Variants in GMEB2 observed in about 807,000 individuals in gnomAD.
GMEB2 encodes the protein glucocorticoid modulatory element binding protein 2, also known as glucocorticoid modulatory element-binding protein 2.
A neutral mutation model predicts 45.7 loss-of-function variants in GMEB2; 7 were observed. The observed-to-expected ratio is 0.15, with a 90% CI of 0.09 to 0.29. The LOEUF (loss-of-function observed/expected upper bound fraction) is 0.29, where lower values mean the gene tolerates loss of function less well. Ranked by LOEUF, GMEB2 falls within the 10% of genes least tolerant of loss-of-function variation. The pLI is 1.00. For missense variants in GMEB2, 582 were observed against 739.2 expected, an observed-to-expected ratio of 0.79 and a Z score of 2.47; for synonymous variants, 322 against 323.6, an observed-to-expected ratio of 1.00 and a Z score of 0.05.
At chr20:63,614,077 C>A (rs1185533627) in intron 2 of GMEB2, among the ~76,000 whole-genome samples, 1 of 152,078 alleles carries the variant, frequency 6.6e-6, no homozygotes, top group East Asian at 1.9e-4. Flanking sequence ...GTATGGGCGG[C>A]AAGCCACCTA....
chr20:63,617,884 C>A (rs2089620772), intron 2 of GMEB2, among the ~76,000 whole-genome samples: 4 of 152,222 alleles, frequency 2.6e-5, no homozygotes, highest in Admixed American at 1.3e-4. Flanking sequence ...GGGATCAGAG[C>A]AGCCTCTCCC....
chr20:63,625,893 G>A (rs1006191855), intron 1 of GMEB2, among the ~76,000 whole-genome samples: 2 of 152,142 alleles, frequency 1.3e-5, no homozygotes, highest in African/African-American at 2.4e-5. Context: ...ATCACACCTG[G>A]CCCAAGAAAA....
intron 2 of GMEB2, among the ~76,000 whole-genome samples, chr20:63,618,734 CA>C (rs936609956): frequency 2.6e-5 from 4 of 152,172 alleles, no homozygotes; most frequent in African/African-American, 9.7e-5. Flanking sequence ...GCCTTTATTT[CA>C]CCCCAGCAGA....
chr20:63,588,472 G>T lies in GMEB2; in HGVS notation c.*1617C>A. The T allele has an allele frequency of 3.0e-6, 1 of 328,542 alleles. No individual in the cohort carries two copies. The highest frequency in any genetic ancestry group is 5.5e-6 in the Non-Finnish European group (1 of 181,556). The allele number at this position is 328,542 out of a possible 1,614,324, so 20.4% of individuals were successfully genotyped here. A position where few individuals can be genotyped will look rare whatever the true frequency, so the allele number is the denominator to read the frequency against. On this transcript the variant is annotated 3_prime_UTR_variant, in exon 10 of 10. Coordinates refer to ENST00000370077, the MANE Select transcript of GMEB2 (RefSeq NM_012384.5). ...TGGAAATGAGTTTAAAACGGAGTAT[G>T]TACATCAAAAGATCAACATCACGCC... is the stretch of plus-strand genomic sequence containing the variant.
intron 4 of GMEB2, among the ~76,000 whole-genome samples, chr20:63,600,101 G>A (rs58850142): frequency 0.48 from 73,008 of 151,518 alleles, 19,093 homozygotes; most frequent in Middle Eastern, 0.66. Flanking sequence ...GAGTGCACTG[G>A]TGCAATCTTG....
intron 9 of GMEB2, 77 bp from the exon 10 acceptor site, chr20:63,590,806 G>T: frequency 1.1e-6 from 1 of 925,282 alleles, no homozygotes; most frequent in Non-Finnish European, 1.5e-6. Flanking sequence ...GGGCAGACAC[G>T]CCACACCATC....
Position 63,592,157 on chromosome 20 carries a change from C to A in GMEB2, c.830-13G>T, listed in dbSNP as rs376404238. ...AGAAGTACAGCATCTTAAAGGGTAA[C>A]GCGGACACTCAGTGAGAGCCCAAGC... On this transcript the variant is annotated splice_polypyrimidine_tract_variant and intron_variant, in intron 8 of 9. Transcript: ENST00000370077. The surrounding 1 kb of genome is among the most constrained non-coding windows in gnomAD (Gnocchi z 8.2). 10 of 1,610,844 alleles carry A rather than the reference C, an allele frequency of 6.2e-6. No individual in the cohort carries two copies. Among genetic ancestry groups the A allele is most frequent in the Non-Finnish European group, 8.5e-6 (10 of 1,178,772 alleles).
intron 2 of GMEB2, among the ~76,000 whole-genome samples, chr20:63,610,281 G>A (rs1601025760): frequency 6.6e-6 from 1 of 152,324 alleles, no homozygotes; most frequent in East Asian, 1.9e-4. Context: ...CAGCACTTTG[G>A]GAGGCCGAGG....
chr20:63,616,279 A>C (rs2146088917), intron 2 of GMEB2, among the ~76,000 whole-genome samples: 1 of 152,206 alleles, frequency 6.6e-6, no homozygotes, highest in Middle Eastern at 3.4e-3. Flanking sequence ...CCCCGTCTCT[A>C]CTAAATATAC....
chr20:63,593,144 C>A lies in GMEB2; in HGVS notation c.620-62G>T, dbSNP rs2083164665. Reference sequence around the variant, plus strand: ...GGACCACAGTCCCACACCCCACATACCCTGTCCACCCTCCTCACACCACCT... The same window carrying A: ...GGACCACAGTCCCACACCCCACATAACCTGTCCACCCTCCTCACACCACCT... On this transcript the variant is annotated intron_variant, in intron 6 of 9. Coordinates refer to ENST00000370077, the MANE Select transcript of GMEB2 (RefSeq NM_012384.5). The surrounding 1 kb of genome is among the most constrained non-coding windows in gnomAD (Gnocchi z 4.7). 2.2e-6 allele frequency: 2 copies of A among 925,626 alleles called. No individual in the cohort carries two copies. The highest frequency in any genetic ancestry group is 3.5e-6 in the Non-Finnish European group (2 of 568,572). The allele number at this position is 925,626 out of a possible 1,614,324, so 57.3% of individuals were successfully genotyped here.
At position 63,587,986 on chromosome 20, in the gene GMEB2, C is replaced by T. The variant is rs1274056133; in HGVS notation, c.*2103G>A. 1 of 152,392 alleles carries T rather than the reference C, an allele frequency of 6.6e-6. No individual in the cohort carries two copies. Among genetic ancestry groups the T allele is most frequent in the East Asian group, 1.9e-4 (1 of 5,316 alleles). 9.4% of individuals were successfully genotyped at this position (152,392 alleles called of 1,614,324 possible). On this transcript the variant is annotated 3_prime_UTR_variant, in exon 10 of 10. Transcript: ENST00000370077. The stretch of plus-strand genomic sequence containing the variant: ...ATGAGGATGAGGGCTTCTCCAGGGC[C>T]CTTCCCCACGCTGGGGCTTGGAGCC...
chr20:63,626,694 G>GGAGGCC (rs890863501), intron 1 of GMEB2, among the ~76,000 whole-genome samples: 4 of 151,142 alleles, frequency 2.6e-5, no homozygotes, highest in South Asian at 2.1e-4. Context: ...GGAGGCCGCT[G>GGAGGCC]GAGGCCGAGC....
intron 1 of GMEB2, among the ~76,000 whole-genome samples, chr20:63,621,112 G>C (rs2089639990): frequency 6.6e-6 from 1 of 152,202 alleles, no homozygotes; most frequent in African/African-American, 2.4e-5. Context: ...CTGGAGGATC[G>C]TTTGAGCCTA....
chr20:63,598,028 C>A (rs1455554784), intron 4 of GMEB2, among the ~76,000 whole-genome samples, 168 bp from the exon 5 acceptor site: 3 of 152,150 alleles, frequency 2.0e-5, no homozygotes, highest in African/African-American at 7.2e-5. Context: ...AAGGACATGA[C>A]CCACAGGCAC....
chr20:63,626,165 T>TGAC, intron 1 of GMEB2, among the ~76,000 whole-genome samples: 1 of 146,042 alleles, frequency 6.8e-6, no homozygotes, highest in South Asian at 2.2e-4. Context: ...GAGCCTACAG[T>TGAC]GACGCGGGCC....
chr20:63,597,063 G>A (rs2083205251), intron 5 of GMEB2, among the ~76,000 whole-genome samples: 1 of 151,842 alleles, frequency 6.6e-6, no homozygotes, highest in South Asian at 2.1e-4. Context: ...AACATAAAAG[G>A]CCAAAATCTG....
chr20:63,591,891 T>C lies in GMEB2; in HGVS notation c.952+131A>G, dbSNP rs747386879. The C allele has an allele frequency of 6.9e-6, 5 of 720,634 alleles. No homozygotes were observed. The African/African-American group carries it at 7.1e-5, about 10-fold the overall frequency. The allele number at this position is 720,634 out of a possible 1,614,324, so 44.6% of individuals were successfully genotyped here. On this transcript the variant is annotated intron_variant, in intron 9 of 9. Coordinates refer to ENST00000370077, the MANE Select transcript of GMEB2 (RefSeq NM_012384.5). Reference sequence around the variant, plus strand: ...GGTTGTTTTCCTCGCACAACAGCAGTGCGGAGAAGCTCGCCGTGGTGGCGG... The same window carrying C: ...GGTTGTTTTCCTCGCACAACAGCAGCGCGGAGAAGCTCGCCGTGGTGGCGG...
Position 63,588,668 on chromosome 20 carries a change from C to T in GMEB2, c.*1421G>A, listed in dbSNP as rs533782204. 1.8e-5 allele frequency: 7 copies of T among 398,132 alleles called. No homozygotes were observed. In the South Asian group the frequency reaches 4.2e-4, roughly 24 times the overall value. The allele number at this position is 398,132 out of a possible 1,614,324, so 24.7% of individuals were successfully genotyped here. ...GGACGGACAGCCAGCCAGTTCCCTTCGGAGCAGTGAAGTGGGACACAGGAC... is the reference window on the plus strand; with the variant it reads ...GGACGGACAGCCAGCCAGTTCCCTTTGGAGCAGTGAAGTGGGACACAGGAC... On this transcript the variant is annotated 3_prime_UTR_variant, in exon 10 of 10. Coordinates refer to ENST00000370077, the MANE Select transcript of GMEB2 (RefSeq NM_012384.5).
intron 3 of GMEB2, among the ~76,000 whole-genome samples, chr20:63,604,085 G>A (rs1351367078): frequency 6.7e-6 from 1 of 148,390 alleles, no homozygotes; most frequent in Non-Finnish European, 1.5e-5. Flanking sequence ...ATTTTTACTG[G>A]CCAGGCTCAG....
Sources: allele counts gnomAD v4.1 joint callset (sites outside exome capture counted in the v4.1 genomes callset), GRCh38; gene constraint gnomAD v4.1.1; non-coding constraint Gnocchi (gnomAD v3.1); transcripts MANE v1.5; gene names NCBI Gene and HGNC (gene_info 2026-07-23, HGNC 2026-07-21).